Variants in SPPL2A observed in about 807,000 individuals in gnomAD.
SPPL2A encodes the protein signal peptide peptidase-like 2A.
SPPL2A carries 51 observed loss-of-function variants against 63.8 expected under a neutral mutation model. The ratio of observed to expected loss-of-function variants is 0.80; its 90% CI spans 0.64 to 1.01. SPPL2A has a LOEUF of 1.01. Ranked by LOEUF, SPPL2A falls within the 50% of genes least tolerant of loss-of-function variation. SPPL2A has a pLI of 0.00. For missense variants in SPPL2A, 553 were observed against 622.7 expected (o/e 0.89, Z 1.19); for synonymous variants, 188 against 205.8 (o/e 0.91, Z 0.74).
rs749140727 is a variant in SPPL2A at position 50,749,704 on chromosome 15, T to C, written c.109A>G (p.Thr37Ala). The change falls in exon 2 of 15, where the codon ACA (threonine) becomes GCA (alanine). Residue 37 changes from threonine (T) to alanine (A), a missense_variant. By Grantham distance (58) the Thr-to-Ala change is moderately conservative. Transcript: ENST00000261854. Reference protein sequence around the residue: ...EAILHASGNGTTKDYCMLYNP... With the variant: ...EAILHASGNGATKDYCMLYNP... Reference sequence around the variant, plus strand: ...TAAAGCATGCAGTAGTCCTTGGTTGTGCCATTTCCAGACGCATGCAAGATT... The same window carrying C: ...TAAAGCATGCAGTAGTCCTTGGTTGCGCCATTTCCAGACGCATGCAAGATT... 8 of 1,613,904 alleles carry C rather than the reference T, an allele frequency of 5.0e-6. No homozygotes were observed. In the South Asian group the frequency reaches 8.8e-5, roughly 18 times the overall value.
intron 6 of SPPL2A, among the ~76,000 whole-genome samples, 162 bp from the exon 7 acceptor site, chr15:50,736,902 G>A (rs1596387687): frequency 6.7e-6 from 1 of 148,730 alleles, no homozygotes; most frequent in Non-Finnish European, 1.5e-5. Flanking sequence ...AATTTAGATC[G>A]TGAGGTTTTT....
intron 1 of SPPL2A, among the ~76,000 whole-genome samples, chr15:50,755,627 CAAAAAAAAAAAAA>C (rs148415568): frequency 8.1e-5 from 4 of 49,550 alleles, no homozygotes; most frequent in African/African-American, 1.9e-4. Flanking sequence ...CACCCTGTCT[CAAAAAAAAAAAAA>C]AAAAAAAAAA....
intron 3 of SPPL2A, 32 bp downstream of exon 3, chr15:50,748,656 C>A: frequency 7.0e-7 from 1 of 1,433,266 alleles, no homozygotes; most frequent in South Asian, 1.4e-5. Context: ...ATCATGAACT[C>A]AAAATAAGAT....
chr15:50,722,676 C>G (rs1280108432), intron 12 of SPPL2A, among the ~76,000 whole-genome samples: 1 of 152,112 alleles, frequency 6.6e-6, no homozygotes, highest in South Asian at 2.1e-4. Flanking sequence ...AGGGTGGTCT[C>G]GATCTCCTGA....
At chr15:50,763,021 G>C (rs150993372) in intron 1 of SPPL2A, among the ~76,000 whole-genome samples, 1 of 152,120 alleles carries the variant, frequency 6.6e-6, no homozygotes, top group African/African-American at 2.4e-5. Context: ...GGGATGACAG[G>C]CGTGAGCCAC....
chr15:50,715,357 G>A (rs1013009091), intron 14 of SPPL2A, among the ~76,000 whole-genome samples: 4 of 152,124 alleles, frequency 2.6e-5, no homozygotes, highest in African/African-American at 7.2e-5. Flanking sequence ...TACAAATGTA[G>A]CCCTTGGTTG....
intron 9 of SPPL2A, among the ~76,000 whole-genome samples, chr15:50,732,342 A>AC (rs398027251): frequency 6.6e-5 from 10 of 151,164 alleles, no homozygotes; most frequent in African/African-American, 2.2e-4. Context: ...AGAAAAAAAA[A>AC]CAATAGTTTA....
intron 10 of SPPL2A, among the ~76,000 whole-genome samples, chr15:50,729,240 A>G (rs1375978641): frequency 6.6e-6 from 1 of 152,248 alleles, no homozygotes; most frequent in Non-Finnish European, 1.5e-5. Context: ...GGCATTAGCC[A>G]CCGCACCTGG....
chr15:50,758,097 G>A (rs1366904039), intron 1 of SPPL2A, among the ~76,000 whole-genome samples: 1 of 145,722 alleles, frequency 6.9e-6, no homozygotes, highest in Non-Finnish European at 1.5e-5. Flanking sequence ...GACCATCCTG[G>A]CTAACACGGT....
rs1456617037 is a variant in SPPL2A, at chr15:50,712,109, C to T, written c.1489-4235G>A. 4.6e-5 allele frequency among the ~76,000 whole-genome samples: 7 copies of T among 152,260 alleles called. No individual in the cohort carries two copies. The East Asian group carries it at 1.2e-3, about 25-fold the overall frequency. On this transcript the variant is annotated intron_variant, in intron 14 of 14. Transcript: ENST00000261854. ...GCATAAAGACTTTCAATAACATTAC[C>T]TGAGAATTTACAGCATAAAGACTAC...
rs2062501307 is a variant in SPPL2A, at chr15:50,705,502, T to C, written c.*2298A>G. 1 of 152,196 alleles carries C rather than the reference T, an allele frequency of 6.6e-6. No homozygotes were observed. The highest frequency in any genetic ancestry group is 1.9e-4 in the East Asian group (1 of 5,202). The allele number at this position is 152,196 out of a possible 1,614,324, so 9.4% of individuals were successfully genotyped here. A position where few individuals can be genotyped will look rare whatever the true frequency, so the allele number is the denominator to read the frequency against. Reference sequence around the variant, plus strand: ...CTGTATTTTGGCAAATATTTTATTATTATAAATGAAAATACAGAGTTTTAA... The same window carrying C: ...CTGTATTTTGGCAAATATTTTATTACTATAAATGAAAATACAGAGTTTTAA... On this transcript the variant is annotated 3_prime_UTR_variant, in exon 15 of 15. Transcript: ENST00000261854.
At chr15:50,759,249 A>G (rs2062988649) in intron 1 of SPPL2A, among the ~76,000 whole-genome samples, 1 of 151,980 alleles carries the variant, frequency 6.6e-6, no homozygotes, top group Non-Finnish European at 1.5e-5. Flanking sequence ...AAGTTCACAA[A>G]TTTATCCTAT....
chr15:50,754,814 C>T (rs1203636027), intron 1 of SPPL2A, among the ~76,000 whole-genome samples: 1 of 152,020 alleles, frequency 6.6e-6, no homozygotes, highest in Admixed American at 6.6e-5. Context: ...GAAACCCTGT[C>T]TCTACTAAAA....
rs2062510531 is a variant in SPPL2A, at chr15:50,706,462, C to CTTGTATTGTAATTAAACT, written c.*1320_*1337dup. On this transcript the variant is annotated 3_prime_UTR_variant, in exon 15 of 15. Coordinates refer to ENST00000261854, the MANE Select transcript of SPPL2A (RefSeq NM_032802.4). ...GATGCGGCAAATTACTCAACTCTTC[C>CTTGTATTGTAATTAAACT]TTGTATTGTAATTAAACTGAGACTA... The CTTGTATTGTAATTAAACT allele has an allele frequency of 6.6e-6, 1 of 150,726 alleles. No individual in the cohort carries two copies. The highest frequency in any genetic ancestry group is 1.5e-5 in the Non-Finnish European group (1 of 67,700). 9.3% of individuals were successfully genotyped at this position (150,726 alleles called of 1,614,324 possible).
rs990008951 is a variant in SPPL2A at position 50,704,160 on chromosome 15, T to C, written c.*3640A>G. 1.3e-5 allele frequency: 2 copies of C among 151,806 alleles called. No homozygotes were observed. The highest frequency in any genetic ancestry group is 4.2e-4 in the South Asian group (2 of 4,816). The allele number at this position is 151,806 out of a possible 1,614,324, so 9.4% of individuals were successfully genotyped here. On this transcript the variant is annotated 3_prime_UTR_variant, in exon 15 of 15. Coordinates refer to ENST00000261854, the MANE Select transcript of SPPL2A (RefSeq NM_032802.4). Reference sequence around the variant, plus strand: ...GAGTTCGAGACCAGCCTGATCAACATGGAGAAACCCCGTCTCTACTAAAAA... The same window carrying C: ...GAGTTCGAGACCAGCCTGATCAACACGGAGAAACCCCGTCTCTACTAAAAA...
rs2141010817 is a variant in SPPL2A, at chr15:50,702,314, T to TA, written c.*5485dup. On this transcript the variant is annotated 3_prime_UTR_variant, in exon 15 of 15. Coordinates refer to ENST00000261854, the MANE Select transcript of SPPL2A (RefSeq NM_032802.4). ...TGAATACCATAGTATATTAAATACA[T>TA]AAAAAATTGTTTTTCTTGTCAGTAT... The TA allele has an allele frequency of 6.6e-6, 1 of 152,296 alleles. No homozygotes were observed. Among genetic ancestry groups the TA allele is most frequent in the South Asian group, 2.1e-4 (1 of 4,830 alleles). The allele number at this position is 152,296 out of a possible 1,614,324, so 9.4% of individuals were successfully genotyped here. A position where few individuals can be genotyped will look rare whatever the true frequency, so the allele number is the denominator to read the frequency against.
At chr15:50,708,021 A>G in intron 14 of SPPL2A, 147 bp from the exon 15 acceptor site, 1 of 622,804 alleles carries the variant, frequency 1.6e-6, no homozygotes, top group African/African-American at 1.8e-5. Context: ...CTGGTTCAAC[A>G]TCCACACTTC....
At chr15:50,737,075 A>C (rs2062777225) in intron 6 of SPPL2A, among the ~76,000 whole-genome samples, 1 of 151,976 alleles carries the variant, frequency 6.6e-6, no homozygotes. Context: ...CACCATACCC[A>C]GCCAATTTTT....
At chr15:50,743,664 A>G (rs2062838292) in intron 5 of SPPL2A, among the ~76,000 whole-genome samples, 1 of 152,110 alleles carries the variant, frequency 6.6e-6, no homozygotes, top group African/African-American at 2.4e-5. Context: ...GTATTTTAAT[A>G]AGATCTCTAG....
Sources: gnomAD v4.1 joint callset for allele counts (sites outside exome capture counted in the v4.1 genomes callset) on GRCh38, gnomAD v4.1.1 for gene constraint, MANE v1.5 for transcripts, NCBI Gene and HGNC (gene_info 2026-07-23, HGNC 2026-07-21) for gene names.